SGCD: variants seen among roughly 807,000 people sequenced by gnomAD.
The protein encoded by SGCD is delta-sarcoglycan.
In SGCD, 18 loss-of-function variants were observed where a neutral mutation model predicts 36.6. That is an observed-to-expected ratio of 0.49 (90% CI 0.34 to 0.73). The LOEUF is 0.73. Ranked by LOEUF, SGCD falls within the 30% of genes least tolerant of loss-of-function variation. The pLI is 0.01. For synonymous variants in SGCD, 133 were observed against 130.6 expected, an observed-to-expected ratio of 1.02 and a Z score of -0.12; for missense variants, 387 against 346.7, an observed-to-expected ratio of 1.12 and a Z score of -0.92.
the SGCD span, among the ~76,000 whole-genome samples, chr5:155,833,499 G>C: frequency 6.6e-6 from 1 of 152,104 alleles, no homozygotes; most frequent in Non-Finnish European, 1.5e-5. Flanking sequence ...CAAGCTATGA[G>C]GGACCCCAAC....
the SGCD span, among the ~76,000 whole-genome samples, chr5:155,796,806 C>CAAAAAAAAAAAAAAAAAAAAAAAAAAAA: frequency 1.2e-4 from 6 of 51,322 alleles, no homozygotes; most frequent in African/African-American, 1.5e-4. Flanking sequence ...AACTCCATCT[C>CAAAAAAAAAAAAAAAAAAAAAAAAAAAA]AAAAAAAAAA....
chr5:155,729,267 C>A, the SGCD span, among the ~76,000 whole-genome samples: 4 of 152,226 alleles, frequency 2.6e-5, no homozygotes, highest in Admixed American at 6.5e-5. Flanking sequence ...GCTTTTCAGC[C>A]GCCCGCGCGT....
intron 4 of SGCD, among the ~76,000 whole-genome samples, chr5:156,536,607 G>C (rs764474651): frequency 7.9e-5 from 12 of 151,954 alleles, no homozygotes; most frequent in Non-Finnish European, 1.5e-4. Flanking sequence ...TTGTTTGTTT[G>C]TTTGTTTGTT....
intron 3 of SGCD, among the ~76,000 whole-genome samples, chr5:156,476,228 G>T (rs552355702): frequency 6.6e-6 from 1 of 152,188 alleles, no homozygotes; most frequent in African/African-American, 2.4e-5. Context: ...AACCTCCAGT[G>T]CAGTTCTGGG....
Position 156,703,598 on chromosome 5 carries a change from G to A in SGCD, c.576-53983G>A, listed in dbSNP as rs76877827. 1.4e-4 allele frequency among the ~76,000 whole-genome samples: 21 copies of A among 152,146 alleles called. No homozygotes were observed. In the East Asian group the frequency reaches 2.9e-3, roughly 21 times the overall value. On this transcript the variant is annotated intron_variant, in intron 7 of 8. Coordinates refer to ENST00000337851, the MANE Select transcript of SGCD (RefSeq NM_000337.6). ...ACAATTTTATACCATGCTAGGCAAC[G>A]CTTTTACTAAGAAATGAATCATTTA...
chr5:156,403,359 C>G (rs1202860025), intron 3 of SGCD, among the ~76,000 whole-genome samples: 1 of 152,170 alleles, frequency 6.6e-6, no homozygotes, highest in Non-Finnish European at 1.5e-5. Flanking sequence ...AACTCGCGGT[C>G]TATTAAGGTT....
chr5:156,033,421 A>G (rs761715408), intron 1 of SGCD, among the ~76,000 whole-genome samples: 2 of 151,914 alleles, frequency 1.3e-5, no homozygotes, highest in South Asian at 2.1e-4. Flanking sequence ...CCCAGTGTCT[A>G]TTGTTTCCTT....
chr5:155,844,039 G>C, the SGCD span, among the ~76,000 whole-genome samples: 1 of 152,154 alleles, frequency 6.6e-6, no homozygotes, highest in East Asian at 1.9e-4. Context: ...AATGGTATGA[G>C]TATCTTCCAG....
Position 156,295,459 on chromosome 5 carries a change from C to A in SGCD, c.-43-34075C>A, listed in dbSNP as rs75247156. On this transcript the variant is annotated intron_variant, in intron 3 of 9. Coordinates refer to the SGCD transcript ENST00000517913. ...GTTTCTTTTCTCTATTTCATTTTTT[C>A]TTTGCTCTAATTTTTATTATATCCT... is the stretch of plus-strand genomic sequence containing the variant. Among the ~76,000 whole-genome samples the A allele has an allele frequency of 7.3e-3, 1,115 of 151,944 alleles. 7 individuals carry two copies. The highest frequency in any genetic ancestry group is 0.021 in the African/African-American group (867 of 41,486).
At chr5:156,685,478 G>A (rs957319738) in intron 7 of SGCD, among the ~76,000 whole-genome samples, 4 of 152,136 alleles carry the variant, frequency 2.6e-5, no homozygotes, top group East Asian at 1.9e-4. Flanking sequence ...AACATTAGAC[G>A]AAGCAAGCTG....
chr5:156,757,398 G>A (rs1757379663), intron 7 of SGCD, among the ~76,000 whole-genome samples, 183 bp from the exon 8 acceptor site: 2 of 150,182 alleles, frequency 1.3e-5, no homozygotes, highest in African/African-American at 4.9e-5. Context: ...AAAATGCAAT[G>A]AAGATAAAGC....
chr5:155,841,980 A>T, the SGCD span, among the ~76,000 whole-genome samples: 1 of 152,260 alleles, frequency 6.6e-6, no homozygotes, highest in South Asian at 2.1e-4. Flanking sequence ...GAAATAAGTG[A>T]AATAGATGCC....
At chr5:155,866,436 G>T (rs958919693), upstream of SGCD, among the ~76,000 whole-genome samples, 6 of 152,132 alleles carry the variant, frequency 3.9e-5, no homozygotes, top group African/African-American at 1.4e-4. Flanking sequence ...TGGTTTTGTT[G>T]TTCCAGACTC....
chr5:155,740,450 T>C, the SGCD span, among the ~76,000 whole-genome samples: 1 of 152,136 alleles, frequency 6.6e-6, no homozygotes, highest in Admixed American at 6.6e-5. Context: ...TTAGTCTGGG[T>C]GGTTCTTTTT....
In SGCD at chr5:156,539,901, A is replaced by G. The variant is rs546534097; in HGVS notation, c.294+31199A>G. On this transcript the variant is annotated intron_variant, in intron 4 of 8. Transcript: ENST00000337851. ...TTGGAACCAGATAGGCATGGAACAA[A>G]TTGTTGAACCTGTCTAAGCTTCATT... is the stretch of plus-strand genomic sequence containing the variant. Among the ~76,000 whole-genome samples the G allele has an allele frequency of 2.0e-5, 3 of 152,272 alleles. No individual in the cohort carries two copies. The South Asian group carries it at 6.2e-4, about 32-fold the overall frequency.
chr5:156,091,929 G>C (rs1270409963), intron 1 of SGCD, among the ~76,000 whole-genome samples: 1 of 152,256 alleles, frequency 6.6e-6, no homozygotes, highest in Non-Finnish European at 1.5e-5. Context: ...CAACTGTTTG[G>C]AGAAATAGGC....
At chr5:156,734,642 T>C (rs1250901539) in intron 7 of SGCD, among the ~76,000 whole-genome samples, 1 of 152,216 alleles carries the variant, frequency 6.6e-6, no homozygotes, top group Non-Finnish European at 1.5e-5. Context: ...TTCCTCTGCT[T>C]GGTCTTTTCT....
At chr5:156,530,933 C>A (rs1005097030) in intron 4 of SGCD, among the ~76,000 whole-genome samples, 2 of 152,162 alleles carry the variant, frequency 1.3e-5, no homozygotes, top group African/African-American at 4.8e-5. Flanking sequence ...CAAAGAGTTT[C>A]TTTCTTCCTC....
chr5:156,725,246 A>G (rs1755713979), intron 7 of SGCD, among the ~76,000 whole-genome samples: 1 of 152,222 alleles, frequency 6.6e-6, no homozygotes, highest in Non-Finnish European at 1.5e-5. Context: ...ACACTGTCTC[A>G]GGGGAGAACC....
Sources: gnomAD v4.1 joint callset for allele counts (sites outside exome capture counted in the v4.1 genomes callset) on GRCh38, gnomAD v4.1.1 for gene constraint, MANE v1.5 for transcripts, NCBI Gene and HGNC (gene_info 2026-07-23, HGNC 2026-07-21) for gene names.